TLE2: variants seen among roughly 807,000 people sequenced by gnomAD.
TLE2 encodes the protein TLE family member 2, transcriptional corepressor.
In TLE2, 74 loss-of-function variants were observed where a neutral mutation model predicts 97.2. The observed-to-expected ratio is 0.76, with a 90% CI of 0.63 to 0.92. The LOEUF is 0.92. TLE2 is among the 40% of genes least tolerant of loss of function. TLE2 has a pLI of 0.00. For missense variants in TLE2, 1,038 were observed against 1,008.7 expected (o/e 1.03, Z -0.39); for synonymous variants, 499 against 432.1 (o/e 1.15, Z -1.92).
In TLE2 at chr19:3,019,854, C is replaced by T; in HGVS notation, c.295-81G>A. The T allele has an allele frequency of 6.6e-7, 1 of 1,506,202 alleles. No homozygotes were observed. The allele number at this position is 1,506,202 out of a possible 1,614,324, so 93.3% of individuals were successfully genotyped here. A position where few individuals can be genotyped will look rare whatever the true frequency, so the allele number is the denominator to read the frequency against. The stretch of plus-strand genomic sequence containing the variant: ...GGTGCCCTTGGGGACCTGACCTCTC[C>T]CCGCCACCCTCTCATCTTTGCCCCG... On this transcript the variant is annotated intron_variant, in intron 5 of 19. Coordinates refer to ENST00000262953, the MANE Select transcript of TLE2 (RefSeq NM_003260.5). The surrounding 1 kb of genome is among the most constrained non-coding windows in gnomAD (Gnocchi z 5.1).
intron 11 of TLE2, among the ~76,000 whole-genome samples, chr19:3,012,203 A>C (rs1361024686): frequency 6.6e-6 from 1 of 152,196 alleles, no homozygotes; most frequent in Non-Finnish European, 1.5e-5. Context: ...CAGTGAGCCA[A>C]GATTGCGCCA....
chr19:3,021,625 C>T (rs1055973811), intron 5 of TLE2, among the ~76,000 whole-genome samples: 3 of 151,912 alleles, frequency 2.0e-5, no homozygotes, highest in Non-Finnish European at 2.9e-5. Context: ...CTCTGTTGCC[C>T]AGGCTGGAGT....
chr19:3,020,035 C>A (rs1350120245), intron 5 of TLE2: 1 of 501,992 alleles, frequency 2.0e-6, no homozygotes, highest in South Asian at 2.4e-5. Flanking sequence ...GGAATCCCAG[C>A]GCTTTGGAAG....
At chr19:3,032,098 T>A (rs56378719), upstream of TLE2, among the ~76,000 whole-genome samples, 8,405 of 151,798 alleles carry the variant, frequency 0.055, 662 homozygotes, top group African/African-American at 0.17. The surrounding 1 kb of genome is among the most constrained non-coding windows in gnomAD (Gnocchi z 4.1). Flanking sequence ...GCCCAGCTAA[T>A]TTTTTTTGTA....
rs564064935 is a variant in TLE2 at position 3,013,745 on chromosome 19, C to T, written c.797G>A (p.Arg266Gln). 21 of 1,560,524 alleles carry T rather than the reference C, an allele frequency of 1.3e-5. No individual in the cohort carries two copies. Among genetic ancestry groups the T allele is most frequent in the Middle Eastern group, 3.4e-4 (2 of 5,918 alleles). The change falls in exon 11 of 20, where the codon CGG becomes CAG. Residue 266 changes from arginine (R) to glutamine (Q), a missense_variant. Arg to Gln is a conservative substitution (Grantham distance 43). Coordinates refer to ENST00000262953, the MANE Select transcript of TLE2 (RefSeq NM_003260.5). Reference protein sequence around the residue: ...GKVPICIPARRDLVDSPASLA... With the variant: ...GKVPICIPARQDLVDSPASLA... ...GGAGGCTGGACTGTCCACCAGGTCCCGACGGGCAGGAATGCAGATGGGTAC... is the reference window on the plus strand; with the variant it reads ...GGAGGCTGGACTGTCCACCAGGTCCTGACGGGCAGGAATGCAGATGGGTAC...
chr19:3,005,549 A>G lies in TLE2; in HGVS notation c.1784T>C (p.Ile595Thr), dbSNP rs935915730. ...FQGHTDGASC[I>T]DISDYGTRLW... ...CCGAGTGCCGTAATCGGAAATATCA[A>G]TGCAGCTGGCGCCGTCCGTGTGGCC... Residue 595 changes from isoleucine to threonine, a missense_variant, in exon 17 of 20, where the codon ATT (isoleucine) becomes ACT (threonine). Coordinates refer to ENST00000262953, the MANE Select transcript of TLE2 (RefSeq NM_003260.5). 7 of 1,613,400 alleles carry G rather than the reference A, an allele frequency of 4.3e-6. No homozygotes were observed. Among genetic ancestry groups the G allele is most frequent in the Non-Finnish European group, 5.9e-6 (7 of 1,179,734 alleles).
chr19:3,002,856 G>A (rs562897877), intron 17 of TLE2, among the ~76,000 whole-genome samples: 22 of 152,162 alleles, frequency 1.4e-4, no homozygotes, highest in African/African-American at 5.3e-4. Flanking sequence ...CTGCTAGTAC[G>A]CCCGGGTAAT....
intron 11 of TLE2, among the ~76,000 whole-genome samples, chr19:3,011,539 A>G (rs896616094): frequency 9.4e-5 from 14 of 149,370 alleles, no homozygotes; most frequent in African/African-American, 3.5e-4. Context: ...CAAAAAAAAA[A>G]AAAAAGACTC....
Position 3,029,139 on chromosome 19 carries a change from G to T in TLE2, c.-235C>A. The stretch of plus-strand genomic sequence containing the variant: ...TGCGCGGGGCGAGCGGGGCGGGCAG[G>T]GGCAGCGGCCGGGGCGGGAGCGCGG... On this transcript the variant is annotated 5_prime_UTR_variant, in exon 1 of 20. Coordinates refer to ENST00000262953, the MANE Select transcript of TLE2 (RefSeq NM_003260.5). The T allele has an allele frequency of 9.7e-7, 1 of 1,036,230 alleles. No homozygotes were observed. Among genetic ancestry groups the T allele is most frequent in the South Asian group, 4.5e-5 (1 of 22,360 alleles). 64.2% of individuals were successfully genotyped at this position (1,036,230 alleles called of 1,614,324 possible). A position where few individuals can be genotyped will look rare whatever the true frequency, so the allele number is the denominator to read the frequency against.
intron 15 of TLE2, 178 bp downstream of exon 15, chr19:3,006,242 C>A: frequency 8.7e-7 from 1 of 1,146,152 alleles, no homozygotes; most frequent in Non-Finnish European, 1.3e-6. Flanking sequence ...TTGGCCAGAG[C>A]CCCACCCCTT....
chr19:3,024,610 G>A (rs572269854), intron 5 of TLE2, among the ~76,000 whole-genome samples: 144 of 152,160 alleles, frequency 9.5e-4, no homozygotes, highest in African/African-American at 3.0e-3. Flanking sequence ...CTGAGTAAGC[G>A]TACCCATCAT....
chr19:3,024,495 C>T (rs1274265265), intron 5 of TLE2, among the ~76,000 whole-genome samples: 1 of 150,610 alleles, frequency 6.6e-6, no homozygotes, highest in Non-Finnish European at 1.5e-5. Flanking sequence ...TGCTTTCTGT[C>T]TCAGTGAACC....
At chr19:3,000,165 G>A (rs1164786790) in intron 19 of TLE2, among the ~76,000 whole-genome samples, 2 of 151,380 alleles carry the variant, frequency 1.3e-5, no homozygotes, top group Admixed American at 1.3e-4. Context: ...TCCACCTCCT[G>A]GGTTCATGCC....
At chr19:3,027,559 G>T (rs1476266715) in intron 4 of TLE2, among the ~76,000 whole-genome samples, 1 of 152,204 alleles carries the variant, frequency 6.6e-6, no homozygotes, top group African/African-American at 2.4e-5. Context: ...TGATGGGGAT[G>T]CCTGGTGGCC....
At chr19:3,009,181 AG>A (rs1280657730) in intron 13 of TLE2, among the ~76,000 whole-genome samples, 2 of 152,148 alleles carry the variant, frequency 1.3e-5, no homozygotes, top group Non-Finnish European at 2.9e-5. Context: ...AGGATCCTGA[AG>A]GGTTCTCCAT....
At chr19:3,013,907 TC>T in intron 10 of TLE2, 89 bp from the exon 11 acceptor site, 1 of 1,263,306 alleles carries the variant, frequency 7.9e-7, no homozygotes, top group Non-Finnish European at 1.0e-6. Context: ...CCCACCCCAA[TC>T]TCTAGAATGG....
intron 19 of TLE2, among the ~76,000 whole-genome samples, chr19:2,999,084 C>T (rs1211485753): frequency 1.3e-5 from 2 of 152,080 alleles, no homozygotes; most frequent in East Asian, 3.9e-4. Context: ...GAGTTCCAGA[C>T]CAGACTGGCC....
intron 16 of TLE2, 55 bp from the exon 17 acceptor site, chr19:3,005,639 G>A (rs1222049406): frequency 5.0e-6 from 8 of 1,608,708 alleles, no homozygotes; most frequent in African/African-American, 4.0e-5. Context: ...CCCCAGCATC[G>A]TCCCAGGTCA....
At chr19:3,021,442 G>C (rs2089842221) in intron 5 of TLE2, among the ~76,000 whole-genome samples, 1 of 152,016 alleles carries the variant, frequency 6.6e-6, no homozygotes, top group Admixed American at 6.6e-5. Context: ...TATTTTTGCT[G>C]TTCCACACAG....
Sources: gnomAD v4.1 joint callset for allele counts (sites outside exome capture counted in the v4.1 genomes callset) on GRCh38, gnomAD v4.1.1 for gene constraint, Gnocchi (gnomAD v3.1) non-coding constraint, MANE v1.5 for transcripts, NCBI Gene and HGNC (gene_info 2026-07-23, HGNC 2026-07-21) for gene names.